ELAVL2: variants seen among roughly 807,000 people sequenced by gnomAD.
ELAVL2 encodes the protein ELAV-like protein 2.
A neutral mutation model predicts 34.6 loss-of-function variants in ELAVL2; 4 were observed. That is an observed-to-expected ratio of 0.12 (90% CI 0.06 to 0.26). The LOEUF (loss-of-function observed/expected upper bound fraction) is 0.26. ELAVL2 is among the 10% of genes least tolerant of loss of function. The pLI, the probability that ELAVL2 is intolerant of heterozygous loss-of-function variation, is 1.00. For missense variants in ELAVL2, 432 were observed against 442.8 expected, an observed-to-expected ratio of 0.98 and a Z score of 0.22; for synonymous variants, 193 against 154.8, an observed-to-expected ratio of 1.25 and a Z score of -1.83.
chr9:23,761,496 C>T (rs529288269), intron 2 of ELAVL2, among the ~76,000 whole-genome samples: 4 of 151,924 alleles, frequency 2.6e-5, no homozygotes, highest in African/African-American at 9.7e-5. Context: ...TGTTAAGGAA[C>T]GGAACATAAG....
the ELAVL2 span, among the ~76,000 whole-genome samples, chr9:23,835,866 G>A: frequency 6.6e-6 from 1 of 152,074 alleles, no homozygotes; most frequent in East Asian, 1.9e-4. Context: ...CAGACTTAAT[G>A]TTTTTATTTC....
At chr9:23,810,397 GC>G in intron 1 of ELAVL2, among the ~76,000 whole-genome samples, 1 of 152,060 alleles carries the variant, frequency 6.6e-6, no homozygotes, top group African/African-American at 2.4e-5. Context: ...CCACAGTGAA[GC>G]TTTAAAAAAA....
At chr9:23,816,933 C>G (rs746230523) in intron 1 of ELAVL2, among the ~76,000 whole-genome samples, 9 of 151,998 alleles carry the variant, frequency 5.9e-5, no homozygotes, top group Non-Finnish European at 1.3e-4. Context: ...ATGGGTTTAT[C>G]AGGAGCATCT....
chr9:23,800,716 A>G lies in ELAVL2; in HGVS notation c.-16+25090T>C, dbSNP rs988021942. 2.6e-5 allele frequency among the ~76,000 whole-genome samples: 4 copies of G among 152,252 alleles called. No individual in the cohort carries two copies. In the East Asian group the frequency reaches 7.7e-4, roughly 29 times the overall value. ...AATTAGAAAATTTGACTTACTTAAA[A>G]TAACTTACAGTAAAAGTTTAAAACT... On this transcript the variant is annotated intron_variant, in intron 1 of 6. Transcript: ENST00000397312.
At chr9:23,706,620 C>A (rs985238428) in intron 3 of ELAVL2, among the ~76,000 whole-genome samples, 1 of 152,170 alleles carries the variant, frequency 6.6e-6, no homozygotes, top group Non-Finnish European at 1.5e-5. Flanking sequence ...TCACAATATA[C>A]GCCATCCTCA....
At chr9:23,822,685 G>A (rs2064984421) in intron 1 of ELAVL2, among the ~76,000 whole-genome samples, 1 of 152,178 alleles carries the variant, frequency 6.6e-6, no homozygotes, top group South Asian at 2.1e-4. Context: ...ACCTGTAGTT[G>A]GGATTTTTTT....
At chr9:23,734,490 T>C (rs2047347970) in intron 2 of ELAVL2, among the ~76,000 whole-genome samples, 1 of 152,178 alleles carries the variant, frequency 6.6e-6, no homozygotes, top group Admixed American at 6.5e-5. Flanking sequence ...TCAAATGCTG[T>C]GCTCTACTCC....
At chr9:23,752,923 A>C (rs567885191) in intron 2 of ELAVL2, among the ~76,000 whole-genome samples, 1 of 152,302 alleles carries the variant, frequency 6.6e-6, no homozygotes, top group South Asian at 2.1e-4. Context: ...GTCTGAAAAG[A>C]TGGTTTTAAC....
chr9:23,838,543 T>A, the ELAVL2 span, among the ~76,000 whole-genome samples: 1 of 152,146 alleles, frequency 6.6e-6, no homozygotes, highest in Non-Finnish European at 1.5e-5. Flanking sequence ...GCTCTACCAT[T>A]TTTTTAGACA....
intron 3 of ELAVL2, among the ~76,000 whole-genome samples, chr9:23,716,405 T>G (rs1310877742): frequency 6.6e-6 from 1 of 152,196 alleles, no homozygotes; most frequent in Non-Finnish European, 1.5e-5. Flanking sequence ...CGACCACATC[T>G]TCAATGTATA....
chr9:23,692,920 A>C, intron 6 of ELAVL2, 36 bp from the exon 7 acceptor site: 2 of 1,580,738 alleles, frequency 1.3e-6, no homozygotes, highest in South Asian at 2.3e-5. Context: ...ACATACACAC[A>C]AAAAATAAAA....
At chr9:23,757,793 G>T (rs1449319859) in intron 2 of ELAVL2, among the ~76,000 whole-genome samples, 1 of 152,012 alleles carries the variant, frequency 6.6e-6, no homozygotes, top group Non-Finnish European at 1.5e-5. Context: ...GAAGATTATT[G>T]TATTTGCTAC....
At chr9:23,728,581 T>C (rs1298364541) in intron 3 of ELAVL2, among the ~76,000 whole-genome samples, 2 of 152,024 alleles carry the variant, frequency 1.3e-5, no homozygotes, top group Admixed American at 1.3e-4. Flanking sequence ...TGTAAGAAAG[T>C]GGTGCTGACA....
chr9:23,723,396 G>C (rs534356838), intron 3 of ELAVL2, among the ~76,000 whole-genome samples: 105 of 151,732 alleles, frequency 6.9e-4, no homozygotes, highest in African/African-American at 2.3e-3. Context: ...ACAGGAAGGG[G>C]AACAACACAC....
intron 1 of ELAVL2, among the ~76,000 whole-genome samples, chr9:23,776,201 G>A (rs1032202958): frequency 8.5e-5 from 13 of 152,192 alleles, no homozygotes; most frequent in African/African-American, 1.2e-4. Flanking sequence ...AGGCTGTCAA[G>A]TCCTACCACT....
chr9:23,755,768 A>G (rs2053405727), intron 2 of ELAVL2, among the ~76,000 whole-genome samples: 1 of 152,078 alleles, frequency 6.6e-6, no homozygotes, highest in Non-Finnish European at 1.5e-5. Flanking sequence ...CATCTTTCTA[A>G]TTAAATAGCA....
intron 5 of ELAVL2, 62 bp from the exon 6 acceptor site, chr9:23,693,548 T>G: frequency 6.3e-7 from 1 of 1,591,932 alleles, no homozygotes; most frequent in South Asian, 1.1e-5. Flanking sequence ...TTCAAGAAAG[T>G]TGGGCTCATT....
intron 2 of ELAVL2, among the ~76,000 whole-genome samples, chr9:23,747,161 C>G (rs960285885): frequency 6.7e-6 from 1 of 149,804 alleles, no homozygotes; most frequent in Admixed American, 6.7e-5. Flanking sequence ...ATATACACTA[C>G]TTTTTTTTTT....
chr9:23,729,033 C>T (rs2045924181), intron 3 of ELAVL2, among the ~76,000 whole-genome samples: 1 of 152,046 alleles, frequency 6.6e-6, no homozygotes, highest in Non-Finnish European at 1.5e-5. Flanking sequence ...GCAGCTGGGC[C>T]CTAAAGAGAA....
Sources: allele counts gnomAD v4.1 joint callset (sites outside exome capture counted in the v4.1 genomes callset), GRCh38; gene constraint gnomAD v4.1.1; transcripts MANE v1.5; gene names NCBI Gene and HGNC (gene_info 2026-07-23, HGNC 2026-07-21).